SCYL2: variants seen among roughly 807,000 people sequenced by gnomAD.
SCYL2 encodes the protein SCY1-like protein 2.
In SCYL2, 36 loss-of-function variants were observed where a neutral mutation model predicts 100.4. The ratio of observed to expected loss-of-function variants is 0.36; its 90% CI spans 0.27 to 0.47. The LOEUF (loss-of-function observed/expected upper bound fraction) is 0.47. SCYL2 is among the 20% of genes least tolerant of loss of function. The pLI, the probability that SCYL2 is intolerant of heterozygous loss-of-function variation, is 1.00. For missense variants in SCYL2, 902 were observed against 1,083.9 expected (o/e 0.83, Z 2.36); for synonymous variants, 330 against 359.2 (o/e 0.92, Z 0.92).
chr12:100,272,114 A>G (rs1023520559), intron 1 of SCYL2, among the ~76,000 whole-genome samples: 5 of 152,200 alleles, frequency 3.3e-5, no homozygotes, highest in Admixed American at 2.6e-4. Context: ...TCTTGGAATC[A>G]TACTGAAGCT....
chr12:100,332,294 A>G (rs76260975), intron 13 of SCYL2, among the ~76,000 whole-genome samples: 4,862 of 152,304 alleles, frequency 0.032, 96 homozygotes, highest in African/African-American at 0.057. Flanking sequence ...TCCCAGAAGG[A>G]AGGCAGGTGT....
chr12:100,319,321 G>C (rs1249641176), intron 10 of SCYL2: 1 of 452,892 alleles, frequency 2.2e-6, no homozygotes, highest in Admixed American at 2.4e-5. Flanking sequence ...TCTTTTTAAA[G>C]AAATTGTGAA....
chr12:100,319,335 T>C (rs191811800), intron 10 of SCYL2: 48 of 450,498 alleles, frequency 1.1e-4, no homozygotes, highest in African/African-American at 9.2e-4. Flanking sequence ...TTGTGAATTA[T>C]AGCCTCACAA....
At chr12:100,279,311 C>T (rs144846493) in intron 1 of SCYL2, among the ~76,000 whole-genome samples, 1 of 152,204 alleles carries the variant, frequency 6.6e-6, no homozygotes, top group African/African-American at 2.4e-5. Context: ...CTATTGCTGC[C>T]ACCTATCTGA....
intron 1 of SCYL2, among the ~76,000 whole-genome samples, chr12:100,269,887 C>T (rs1448639776): frequency 6.6e-6 from 1 of 152,108 alleles, no homozygotes; most frequent in Non-Finnish European, 1.5e-5. Flanking sequence ...AAGAAGTTAT[C>T]CAGGTTATTT....
At chr12:100,269,057 A>G (rs2096284177) in intron 1 of SCYL2, among the ~76,000 whole-genome samples, 1 of 152,152 alleles carries the variant, frequency 6.6e-6, no homozygotes, top group South Asian at 2.1e-4. Flanking sequence ...TAGTTTTCCA[A>G]ACAAGACTTA....
chr12:100,326,420 C>T (rs1318080726), intron 11 of SCYL2, among the ~76,000 whole-genome samples: 2 of 152,076 alleles, frequency 1.3e-5, no homozygotes, highest in Non-Finnish European at 2.9e-5. Flanking sequence ...CCTGGTGAAG[C>T]AATCATAAAT....
intron 1 of SCYL2, among the ~76,000 whole-genome samples, chr12:100,282,235 GA>G (rs1555316684): frequency 0.042 from 5,865 of 140,512 alleles, 418 homozygotes; most frequent in Middle Eastern, 0.054. Flanking sequence ...ACATTGGCCA[GA>G]CTGATTTTGA....
rs1566363442 is a variant in SCYL2 at position 100,315,635 on chromosome 12, C to G, written c.1173C>G (p.Pro391=). The change falls in exon 9 of 18, where the codon CCC becomes CCG. Residue 391 remains proline (P), a synonymous_variant. Transcript: ENST00000360820. ...VNPDMVPFVL[P]NVLLIAEECT... ...CTGACATGGTACCTTTTGTTTTGCC[C>G]AATGTTCTACTTATTGCTGAGGAAT... The G allele has an allele frequency of 6.2e-7, 1 of 1,611,598 alleles. No individual in the cohort carries two copies. Among genetic ancestry groups the G allele is most frequent in the Admixed American group, 1.7e-5 (1 of 59,972 alleles).
At chr12:100,311,879 A>T (rs1474341239) in intron 5 of SCYL2, among the ~76,000 whole-genome samples, 1 of 152,174 alleles carries the variant, frequency 6.6e-6, no homozygotes, top group Non-Finnish European at 1.5e-5. Context: ...CGTTGGTGAT[A>T]GGTTTTTCTT....
chr12:100,327,963 G>T (rs976776774), intron 12 of SCYL2, among the ~76,000 whole-genome samples: 1 of 151,904 alleles, frequency 6.6e-6, no homozygotes, highest in Non-Finnish European at 1.5e-5. Context: ...GATATCGCAT[G>T]AATCTTTTGT....
chr12:100,291,485 C>T lies in SCYL2; in HGVS notation c.178-18C>T. On this transcript the variant is annotated intron_variant, in intron 2 of 17. Coordinates refer to ENST00000360820, the MANE Select transcript of SCYL2 (RefSeq NM_017988.6). ...TTTCTATATTTCTTGACTAAAATTA[C>T]ACAATTCTTTTATTTAGGAAGTGGC... 6.9e-7 allele frequency: 1 copy of T among 1,439,170 alleles called. No individual in the cohort carries two copies. The highest frequency in any genetic ancestry group is 9.4e-7 in the Non-Finnish European group (1 of 1,062,722). 89.2% of individuals were successfully genotyped at this position (1,439,170 alleles called of 1,614,324 possible).
chr12:100,333,882 A>G (rs1952242159), intron 13 of SCYL2: 1 of 251,834 alleles, frequency 4.0e-6, no homozygotes, highest in Non-Finnish European at 7.6e-6. Context: ...CCCCTGAATA[A>G]TAGCTATTAA....
At chr12:100,307,461 AC>A (rs1165538873) in intron 4 of SCYL2, among the ~76,000 whole-genome samples, 1 of 152,084 alleles carries the variant, frequency 6.6e-6, no homozygotes, top group Non-Finnish European at 1.5e-5. Context: ...CTGAAACTGG[AC>A]CCCTTCCTTA....
At chr12:100,286,722 C>G (rs2096304816) in intron 2 of SCYL2, among the ~76,000 whole-genome samples, 1 of 151,816 alleles carries the variant, frequency 6.6e-6, no homozygotes, top group South Asian at 2.1e-4. Flanking sequence ...TTGTGTTATC[C>G]AGATGCCAGT....
chr12:100,300,560 G>T (rs1392374150), intron 4 of SCYL2, among the ~76,000 whole-genome samples: 2 of 151,838 alleles, frequency 1.3e-5, no homozygotes, highest in African/African-American at 4.8e-5. Flanking sequence ...TCACCCTGTT[G>T]TGCTAGCAAG....
In SCYL2 at chr12:100,341,207, C is replaced by G. The variant is rs1038764607; in HGVS notation, c.*2035C>G. On this transcript the variant is annotated 3_prime_UTR_variant, in exon 18 of 18. Coordinates refer to ENST00000360820, the MANE Select transcript of SCYL2 (RefSeq NM_017988.6). ...TTCAGGTATTTTATTTCAACCATTT[C>G]CATCAATTGAACTGTTACCATTGCC... The G allele has an allele frequency of 6.6e-6, 1 of 152,032 alleles. No homozygotes were observed. Among genetic ancestry groups the G allele is most frequent in the Non-Finnish European group, 1.5e-5 (1 of 67,976 alleles). The allele number at this position is 152,032 out of a possible 1,614,324, so 9.4% of individuals were successfully genotyped here. A position where few individuals can be genotyped will look rare whatever the true frequency, so the allele number is the denominator to read the frequency against.
intron 6 of SCYL2, 41 bp downstream of exon 6, chr12:100,312,694 T>G: frequency 2.8e-6 from 4 of 1,434,076 alleles, no homozygotes; most frequent in Non-Finnish European, 3.9e-6. Flanking sequence ...AAAAAATTTA[T>G]TAAATGTGTC....
At chr12:100,283,765 G>C (rs1460539330) in intron 2 of SCYL2, among the ~76,000 whole-genome samples, 2 of 152,150 alleles carry the variant, frequency 1.3e-5, no homozygotes, top group African/African-American at 4.8e-5. Context: ...TATTTCCCAG[G>C]TAAGTACATT....
Sources: gnomAD v4.1 joint callset for allele counts (sites outside exome capture counted in the v4.1 genomes callset) on GRCh38, gnomAD v4.1.1 for gene constraint, MANE v1.5 for transcripts, NCBI Gene and HGNC (gene_info 2026-07-23, HGNC 2026-07-21) for gene names.